The following MINK1 variants were observed in gnomAD, a reference collection of about 807,000 sequenced individuals.
The protein encoded by MINK1 is misshapen-like kinase 1.
In MINK1, 46 loss-of-function variants were observed where a neutral mutation model predicts 178.4. The ratio of observed to expected loss-of-function variants is 0.26; its 90% CI spans 0.20 to 0.33. The LOEUF is 0.33. MINK1 is among the 10% of genes least tolerant of loss of function. The probability of loss-of-function intolerance (pLI) is 1.00; values close to 1 mark genes in which losing one functional copy is unlikely to be tolerated. For missense variants in MINK1, 1,366 were observed against 1,814.9 expected (o/e 0.75, Z 4.49); for synonymous variants, 797 against 709.7 (o/e 1.12, Z -1.96).
At position 4,886,729 on chromosome 17, in the gene MINK1, T is replaced by C. The variant is rs1487822436; in HGVS notation, c.949+103T>C. ...TGGCACCCCTTCCTGCTCCCCTCCT[T>C]GGCCCCAGCTCTCCCTGTCCAAGGA... is the stretch of plus-strand genomic sequence containing the variant. On this transcript the variant is annotated intron_variant, in intron 10 of 31. Transcript: ENST00000355280. The surrounding 1 kb of genome is among the most constrained non-coding windows in gnomAD (Gnocchi z 6.1). 8.7e-6 allele frequency: 11 copies of C among 1,271,268 alleles called. No homozygotes were observed. Among genetic ancestry groups the C allele is most frequent in the African/African-American group, 1.5e-5 (1 of 66,310 alleles). The allele number at this position is 1,271,268 out of a possible 1,614,324, so 78.7% of individuals were successfully genotyped here.
At position 4,891,613 on chromosome 17, in the gene MINK1, G is replaced by A. The variant is rs1255664507; in HGVS notation, c.1898G>A (p.Arg633Gln). The change falls in exon 16 of 32, where the codon CGA becomes CAA. Residue 633 changes from arginine to glutamine, a missense_variant. Transcript: ENST00000355280. The part of the protein sequence containing the change: ...IPAPTATPSA[R>Q]GAVIRQNSDP... ...GCACCCACTGCCACGCCCAGTGCCC[G>A]AGGAGCTGTCATCCGCCAGAATTCA... 11 of 1,602,756 alleles carry A rather than the reference G, an allele frequency of 6.9e-6. No individual in the cohort carries two copies. The highest frequency in any genetic ancestry group is 5.2e-5 in the Admixed American group (3 of 58,230).
intron 1 of MINK1, chr17:4,854,769 A>G (rs754136161): frequency 8.1e-6 from 4 of 495,372 alleles, no homozygotes; most frequent in Non-Finnish European, 1.2e-5. Flanking sequence ...ATCGATAGAC[A>G]GAGGACAAGT....
At chr17:4,848,383 C>T (rs1197006066) in intron 1 of MINK1, among the ~76,000 whole-genome samples, 3 of 152,164 alleles carry the variant, frequency 2.0e-5, no homozygotes, top group Non-Finnish European at 4.4e-5. Flanking sequence ...TTTTTTGAGA[C>T]GGAGTCTCAC....
chr17:4,888,219 T>TAATAATAAGC lies in MINK1; in HGVS notation c.1230+435_1230+444dup, dbSNP rs547734888. Among the ~76,000 whole-genome samples, 23 of 150,266 alleles carry TAATAATAAGC rather than the reference T, an allele frequency of 1.5e-4. No individual in the cohort carries two copies. The East Asian group carries it at 4.7e-3, about 30-fold the overall frequency. On this transcript the variant is annotated intron_variant, in intron 12 of 31. Coordinates refer to ENST00000355280, the MANE Select transcript of MINK1 (RefSeq NM_153827.5). ...TGACAGAGCAAGACTCCGTCTCTAATAATAATAAGCAATAACCCGCAGCAC... is the reference window on the plus strand; with the variant it reads ...TGACAGAGCAAGACTCCGTCTCTAATAATAATAAGCAATAATAAGCAATAACCCGCAGCAC...
intron 1 of MINK1, among the ~76,000 whole-genome samples, chr17:4,849,996 T>C (rs956161329): frequency 1.2e-4 from 19 of 152,140 alleles, no homozygotes; most frequent in Non-Finnish European, 2.1e-4. Flanking sequence ...ATCCAGGCTG[T>C]AGTGCAGTGG....
At chr17:4,870,985 C>T (rs1915793349) in intron 1 of MINK1, 1 of 243,636 alleles carries the variant, frequency 4.1e-6, no homozygotes, top group Admixed American at 4.9e-5. Context: ...CTTCTCCTTC[C>T]TCCCAGCCCC....
chr17:4,890,205 C>CCCA, intron 13 of MINK1: 6 of 992,266 alleles, frequency 6.0e-6, no homozygotes, highest in Non-Finnish European at 5.2e-6. Flanking sequence ...CCCCCCACCC[C>CCCA]ACACCCCGTC....
chr17:4,860,244 C>T (rs192219308), intron 1 of MINK1, among the ~76,000 whole-genome samples: 182 of 152,338 alleles, frequency 1.2e-3, no homozygotes, highest in Non-Finnish European at 1.5e-3. Flanking sequence ...TCTGCTCATT[C>T]AGTCGTCCAC....
At chr17:4,897,126 C>G in intron 31 of MINK1, 78 bp from the exon 32 acceptor site, 6 of 1,231,182 alleles carry the variant, frequency 4.9e-6, no homozygotes, top group African/African-American at 1.5e-5. Context: ...GCCACCCCTT[C>G]TTCCCTTCTT....
Position 4,833,393 on chromosome 17 carries a change from G to T in MINK1, c.-191G>T, listed in dbSNP as rs954433315. ...GAGAGGTGGTAGGCTCGGGTGGCTG[G>T]CTCCGGGGAGATAGCGCCTGTCAGT... On this transcript the variant is annotated 5_prime_UTR_variant, in exon 1 of 32. Coordinates refer to ENST00000355280, the MANE Select transcript of MINK1 (RefSeq NM_153827.5). This position sits in a 1 kb window ranked among gnomAD's most constrained non-coding sequence, Gnocchi z 4.8. 1.9e-6 allele frequency: 1 copy of T among 536,592 alleles called. No individual in the cohort carries two copies. Among genetic ancestry groups the T allele is most frequent in the South Asian group, 2.3e-5 (1 of 44,074 alleles). The allele number at this position is 536,592 out of a possible 1,614,324, so 33.2% of individuals were successfully genotyped here. A position where few individuals can be genotyped will look rare whatever the true frequency, so the allele number is the denominator to read the frequency against.
chr17:4,890,244 A>G (rs1427155748), intron 13 of MINK1: 2 of 1,162,092 alleles, frequency 1.7e-6, no homozygotes, highest in Non-Finnish European at 2.2e-6. Context: ...CACAGGCTAG[A>G]GGAGGAGCAG....
At chr17:4,892,255 C>T (rs368354813) in intron 17 of MINK1, 21 bp downstream of exon 17, 164 of 1,552,430 alleles carry the variant, frequency 1.1e-4, no homozygotes, top group Admixed American at 5.6e-4. Context: ...GGTAGGGCAA[C>T]GCCTGGGTGA....
intron 16 of MINK1, 130 bp from the exon 17 acceptor site, chr17:4,892,019 A>G (rs1379598536): frequency 1.2e-6 from 1 of 825,644 alleles, no homozygotes; most frequent in East Asian, 2.7e-5. Context: ...GGACGTATTC[A>G]CTAACTCCCC....
Position 4,885,410 on chromosome 17 carries a change from GT to G in MINK1, c.509-72del. The G allele has an allele frequency of 6.3e-7, 1 of 1,579,066 alleles. No homozygotes were observed. Among genetic ancestry groups the G allele is most frequent in the Non-Finnish European group, 8.6e-7 (1 of 1,159,686 alleles). The stretch of plus-strand genomic sequence containing the variant: ...CAGCTGGCTCAGGCAAGTCCTGTGT[GT>G]GCACGCAGGGATGTGAGGCAAGGGA... On this transcript the variant is annotated intron_variant, in intron 6 of 31. Transcript: ENST00000355280. This position sits in a 1 kb window ranked among gnomAD's most constrained non-coding sequence, Gnocchi z 5.0.
At chr17:4,893,391 A>G (rs1969077448) in intron 20 of MINK1, 43 bp from the exon 21 acceptor site, 2 of 1,601,944 alleles carry the variant, frequency 1.2e-6, no homozygotes, top group African/African-American at 1.3e-5. Context: ...ACCTCCACCC[A>G]GGCCCAGCTT....
rs1968304905 is a variant in MINK1 at position 4,887,280 on chromosome 17, C to T, written c.1019+101C>T. The T allele has an allele frequency of 3.2e-6, 4 of 1,254,806 alleles. No homozygotes were observed. Among genetic ancestry groups the T allele is most frequent in the South Asian group, 1.3e-5 (1 of 76,550 alleles). The allele number at this position is 1,254,806 out of a possible 1,614,324, so 77.7% of individuals were successfully genotyped here. A position where few individuals can be genotyped will look rare whatever the true frequency, so the allele number is the denominator to read the frequency against. ...GGACTCTCAGCCTGGGGGTGGTGGGCACAGAGAGGTAGAGACTCCTGGAAA... is the reference window on the plus strand; with the variant it reads ...GGACTCTCAGCCTGGGGGTGGTGGGTACAGAGAGGTAGAGACTCCTGGAAA... On this transcript the variant is annotated intron_variant, in intron 11 of 31. Coordinates refer to ENST00000355280, the MANE Select transcript of MINK1 (RefSeq NM_153827.5). This position sits in a 1 kb window ranked among gnomAD's most constrained non-coding sequence, Gnocchi z 7.6.
rs185815213 is a variant in MINK1 at position 4,887,265 on chromosome 17, C to A, written c.1019+86C>A. 3.6e-6 allele frequency: 5 copies of A among 1,373,108 alleles called. No homozygotes were observed. Among genetic ancestry groups the A allele is most frequent in the Non-Finnish European group, 4.0e-6 (4 of 988,672 alleles). The allele number at this position is 1,373,108 out of a possible 1,614,324, so 85.1% of individuals were successfully genotyped here. ...GGTGCTTGGCTTTGGGGACTCTCAG[C>A]CTGGGGGTGGTGGGCACAGAGAGGT... On this transcript the variant is annotated intron_variant, in intron 11 of 31. Transcript: ENST00000355280. The surrounding 1 kb of genome is among the most constrained non-coding windows in gnomAD (Gnocchi z 7.6).
intron 1 of MINK1, among the ~76,000 whole-genome samples, chr17:4,852,444 C>T (rs1912141348): frequency 1.3e-5 from 2 of 151,562 alleles, no homozygotes; most frequent in Non-Finnish European, 2.9e-5. Context: ...GGGGCACTTC[C>T]TGGAGGTGAC....
chr17:4,840,779 T>C (rs567413356), intron 1 of MINK1, among the ~76,000 whole-genome samples: 1 of 152,164 alleles, frequency 6.6e-6, no homozygotes, highest in East Asian at 1.9e-4. Flanking sequence ...TGTTACTGAT[T>C]TTGCGTGTTT....
Sources: allele counts gnomAD v4.1 joint callset (sites outside exome capture counted in the v4.1 genomes callset), GRCh38; gene constraint gnomAD v4.1.1; non-coding constraint Gnocchi (gnomAD v3.1); transcripts MANE v1.5; gene names NCBI Gene and HGNC (gene_info 2026-07-23, HGNC 2026-07-21).